TENM4: variants seen among roughly 807,000 people sequenced by gnomAD.
TENM4 encodes the protein teneurin transmembrane protein 4.
TENM4 carries 82 observed loss-of-function variants against 243.3 expected under a neutral mutation model. The observed-to-expected ratio is 0.34, with a 90% confidence interval of 0.28 to 0.40. TENM4 has a LOEUF of 0.40. TENM4 is among the 10% of genes least tolerant of loss of function. The pLI, the probability that TENM4 is intolerant of heterozygous loss-of-function variation, is 1.00. For missense variants in TENM4, 3,138 were observed against 3,673.3 expected (o/e 0.85, Z 3.77); for synonymous variants, 1,412 against 1,456.3 (o/e 0.97, Z 0.69).
At chr11:79,156,337 G>GA (rs1452816786) in intron 3 of TENM4, among the ~76,000 whole-genome samples, 1 of 152,238 alleles carries the variant, frequency 6.6e-6, no homozygotes, top group Non-Finnish European at 1.5e-5. Flanking sequence ...TTGTCAGCAT[G>GA]GATAGATTGA....
chr11:79,316,719 G>C (rs911875925), intron 1 of TENM4, among the ~76,000 whole-genome samples: 9 of 152,160 alleles, frequency 5.9e-5, no homozygotes, highest in African/African-American at 2.2e-4. Flanking sequence ...AAGTGCAGGC[G>C]GGCAGGCAAG....
chr11:78,992,605 G>A (rs1211588885), intron 6 of TENM4, among the ~76,000 whole-genome samples: 2 of 152,188 alleles, frequency 1.3e-5, no homozygotes, highest in African/African-American at 2.4e-5. Flanking sequence ...GAGAAAGAAC[G>A]GGACTTCACC....
intron 30 of TENM4, among the ~76,000 whole-genome samples, chr11:78,674,210 G>A (rs1440111546): frequency 6.6e-6 from 1 of 152,158 alleles, no homozygotes; most frequent in African/African-American, 2.4e-5. Flanking sequence ...TCCTGTGCTC[G>A]GCAGTGGCGG....
intron 6 of TENM4, among the ~76,000 whole-genome samples, chr11:78,919,542 GT>G (rs999916296): frequency 6.6e-6 from 1 of 152,096 alleles, no homozygotes; most frequent in Non-Finnish European, 1.5e-5. Flanking sequence ...AAGTGGCACT[GT>G]TTTTTTCCGT....
At chr11:78,920,997 C>T (rs1283268439) in intron 6 of TENM4, among the ~76,000 whole-genome samples, 3 of 152,288 alleles carry the variant, frequency 2.0e-5, no homozygotes, top group African/African-American at 7.2e-5. Flanking sequence ...AAGTTTAACG[C>T]TATCAACTTC....
intron 6 of TENM4, among the ~76,000 whole-genome samples, chr11:78,907,808 T>C (rs1195834567): frequency 6.6e-6 from 1 of 152,198 alleles, no homozygotes; most frequent in Non-Finnish European, 1.5e-5. Context: ...GGAGTACACA[T>C]TGGTACACTT....
intron 9 of TENM4, among the ~76,000 whole-genome samples, chr11:78,870,050 G>A (rs1859084239): frequency 6.6e-6 from 1 of 152,202 alleles, no homozygotes; most frequent in South Asian, 2.1e-4. Flanking sequence ...AGCACTCAGA[G>A]CTTGTTGAGT....
intron 4 of TENM4, among the ~76,000 whole-genome samples, chr11:79,079,783 C>T (rs999567239): frequency 1.4e-5 from 2 of 144,736 alleles, no homozygotes; most frequent in Non-Finnish European, 3.0e-5. Context: ...AGTGAGCTGA[C>T]ATCGAGCCGC....
intron 4 of TENM4, among the ~76,000 whole-genome samples, chr11:79,086,934 T>G (rs1156467273): frequency 1.3e-5 from 2 of 152,184 alleles, no homozygotes; most frequent in African/African-American, 4.8e-5. Flanking sequence ...CTAACACATT[T>G]TAATGTGATT....
At chr11:79,069,375 C>T (rs2137000726) in intron 5 of TENM4, among the ~76,000 whole-genome samples, 1 of 152,314 alleles carries the variant, frequency 6.6e-6, no homozygotes, top group Admixed American at 6.5e-5. Flanking sequence ...ATTCAGTGCA[C>T]TAGGGAGGCT....
chr11:79,257,967 C>G (rs149864947), intron 2 of TENM4, among the ~76,000 whole-genome samples: 1 of 152,194 alleles, frequency 6.6e-6, no homozygotes, highest in South Asian at 2.1e-4. Context: ...AGAGTCTGCT[C>G]AGGTGCAAGA....
At chr11:79,191,169 C>G (rs1235244158) in intron 3 of TENM4, among the ~76,000 whole-genome samples, 1 of 87,886 alleles carries the variant, frequency 1.1e-5, no homozygotes, top group African/African-American at 4.6e-5. Flanking sequence ...GTCTCCCTCT[C>G]ATGCCGGGCC....
chr11:79,040,393 C>A (rs1859490316), intron 6 of TENM4, among the ~76,000 whole-genome samples: 1 of 152,226 alleles, frequency 6.6e-6, no homozygotes, highest in African/African-American at 2.4e-5. Flanking sequence ...CAGGAGCAGC[C>A]AGCCTCCAGG....
chr11:79,051,818 T>C (rs777896948), intron 6 of TENM4, among the ~76,000 whole-genome samples: 2 of 152,334 alleles, frequency 1.3e-5, no homozygotes, highest in African/African-American at 4.8e-5. Flanking sequence ...TTGCCCACAA[T>C]GTGTCCATGT....
chr11:79,071,449 C>T, intron 4 of TENM4, among the ~76,000 whole-genome samples: 1 of 150,980 alleles, frequency 6.6e-6, no homozygotes, highest in African/African-American at 2.4e-5. Context: ...CTTGCCTGTG[C>T]TGCAAAGTGG....
chr11:78,933,608 C>G (rs541400893), intron 6 of TENM4, among the ~76,000 whole-genome samples: 1 of 152,270 alleles, frequency 6.6e-6, no homozygotes, highest in African/African-American at 2.4e-5. Context: ...ACATCTAAAC[C>G]TGGAGAACAC....
At chr11:78,726,512 T>A (rs539835513) in intron 22 of TENM4, among the ~76,000 whole-genome samples, 2 of 152,356 alleles carry the variant, frequency 1.3e-5, no homozygotes, top group East Asian at 3.9e-4. Flanking sequence ...ATCTTTAGTA[T>A]GTGATGGGGT....
chr11:78,921,826 T>G (rs543049491), intron 6 of TENM4, among the ~76,000 whole-genome samples: 105 of 152,258 alleles, frequency 6.9e-4, no homozygotes, highest in African/African-American at 2.5e-3. Context: ...ACCCACAGAC[T>G]CTCTCCCTTC....
intron 20 of TENM4, among the ~76,000 whole-genome samples, chr11:78,735,138 G>T (rs768356866): frequency 1.3e-5 from 2 of 152,156 alleles, no homozygotes; most frequent in Non-Finnish European, 2.9e-5. Flanking sequence ...GGCATCCCCA[G>T]ATTTGGGGCT....
Sources: allele counts gnomAD v4.1 joint callset (sites outside exome capture counted in the v4.1 genomes callset), GRCh38; gene constraint gnomAD v4.1.1; transcripts MANE v1.5; gene names NCBI Gene and HGNC (gene_info 2026-07-23, HGNC 2026-07-21).